Variants in JPH3 observed in about 807,000 individuals in gnomAD.
JPH3 encodes the protein junctophilin 3.
A neutral mutation model predicts 59.6 loss-of-function variants in JPH3; 11 were observed. The observed-to-expected ratio is 0.18, with a 90% CI of 0.12 to 0.31. The LOEUF (loss-of-function observed/expected upper bound fraction) is 0.31, where lower values mean the gene tolerates loss of function less well. Ranked by LOEUF, JPH3 falls within the 10% of genes least tolerant of loss-of-function variation. The pLI, the probability that JPH3 is intolerant of heterozygous loss-of-function variation, is 1.00. For synonymous variants in JPH3, 673 were observed against 483.6 expected, an observed-to-expected ratio of 1.39 and a Z score of -5.14; for missense variants, 1,202 against 1,105.7, an observed-to-expected ratio of 1.09 and a Z score of -1.24.
rs146321235 is a variant in JPH3 at position 87,644,335 on chromosome 16, G to C, written c.460G>C (p.Ala154Pro). ...VRQSVPYGMA[A>P]VIRSPLRTSI... ...GCAGAGCGTCCCGTATGGCATGGCC[G>C]CGGTCATCCGCTCACCCCTGAGGAC... The change falls in exon 2 of 5, where the codon GCG becomes CCG. Residue 154 changes from alanine (A) to proline (P), a missense_variant. Ala to Pro is a conservative substitution (Grantham distance 27, BLOSUM62 -1). Transcript: ENST00000284262. 23 of 1,612,844 alleles carry C rather than the reference G, an allele frequency of 1.4e-5. No individual in the cohort carries two copies. In the Admixed American group the frequency reaches 3.7e-4, roughly 26 times the overall value.
At chr16:87,608,711 C>T (rs1055784214) in intron 1 of JPH3, among the ~76,000 whole-genome samples, 5 of 152,254 alleles carry the variant, frequency 3.3e-5, no homozygotes, top group African/African-American at 9.6e-5. Flanking sequence ...CGCCTGGTCC[C>T]GGACCCTCCA....
intron 2 of JPH3, among the ~76,000 whole-genome samples, chr16:87,650,128 G>A (rs1278842776): frequency 6.6e-6 from 1 of 152,198 alleles, no homozygotes; most frequent in African/African-American, 2.4e-5. Context: ...CGTGCATGGG[G>A]CAAGCCTCTT....
chr16:87,656,002 G>A (rs1003829115), intron 2 of JPH3, among the ~76,000 whole-genome samples: 1 of 152,262 alleles, frequency 6.6e-6, no homozygotes, highest in Admixed American at 6.5e-5. Flanking sequence ...GGGCACTGCT[G>A]CGTGGCAGTG....
Position 87,617,888 on chromosome 16 carries a change from C to T in JPH3, c.382+14360C>T, listed in dbSNP as rs948546465. Among the ~76,000 whole-genome samples, 26 of 151,948 alleles carry T rather than the reference C, an allele frequency of 1.7e-4. No homozygotes were observed. In the East Asian group the frequency reaches 2.3e-3, roughly 14 times the overall value. On this transcript the variant is annotated intron_variant, in intron 1 of 4. Transcript: ENST00000284262. ...GAATAGTGCGAGGGGAGTGGCTGGG[C>T]GCGGTGGCTCATGCCTGTAATCCCA...
chr16:87,673,861 G>A (rs1317820926), intron 2 of JPH3, among the ~76,000 whole-genome samples: 1 of 152,126 alleles, frequency 6.6e-6, no homozygotes, highest in Non-Finnish European at 1.5e-5. Context: ...GGGAGGCAGA[G>A]GTTGCAGTGA....
intron 1 of JPH3, chr16:87,604,248 G>A (rs1198725580): frequency 1.7e-5 from 25 of 1,452,036 alleles, no homozygotes; most frequent in Non-Finnish European, 2.1e-5. Context: ...AGATGCCACC[G>A]CATTCGGGGC....
At chr16:87,660,191 C>T (rs943180796) in intron 2 of JPH3, among the ~76,000 whole-genome samples, 1 of 152,196 alleles carries the variant, frequency 6.6e-6, no homozygotes. Flanking sequence ...CTGTGCGTCT[C>T]AGTAATACGG....
intron 1 of JPH3, among the ~76,000 whole-genome samples, chr16:87,622,899 G>A (rs949236262): frequency 6.6e-6 from 1 of 152,170 alleles, no homozygotes; most frequent in African/African-American, 2.4e-5. Flanking sequence ...CAAGGCATTG[G>A]GGGTATGAGA....
At chr16:87,685,022 G>A (rs986235041) in intron 3 of JPH3, among the ~76,000 whole-genome samples, 7 of 152,198 alleles carry the variant, frequency 4.6e-5, no homozygotes, top group South Asian at 2.1e-4. Flanking sequence ...ACCGGTGAGC[G>A]GTATTCGGAT....
At chr16:87,619,651 C>T (rs781025290) in intron 1 of JPH3, among the ~76,000 whole-genome samples, 37 of 152,170 alleles carry the variant, frequency 2.4e-4, no homozygotes, top group Non-Finnish European at 3.5e-4. Context: ...GACACCACGA[C>T]GGCTGCAGGC....
chr16:87,682,925 G>A (rs951367456), intron 2 of JPH3, among the ~76,000 whole-genome samples: 1 of 152,382 alleles, frequency 6.6e-6, no homozygotes, highest in Non-Finnish European at 1.5e-5. Flanking sequence ...CCTTCGGGAC[G>A]TCTGTCTAGT....
intron 1 of JPH3, among the ~76,000 whole-genome samples, chr16:87,637,031 C>T (rs564512207): frequency 5.4e-4 from 83 of 152,328 alleles, no homozygotes; most frequent in Admixed American, 1.8e-3. Flanking sequence ...CTGTCGGCCA[C>T]GGGAGTTTGC....
chr16:87,687,639 G>T (rs1444334609), intron 3 of JPH3, among the ~76,000 whole-genome samples: 2 of 151,894 alleles, frequency 1.3e-5, no homozygotes, highest in African/African-American at 4.9e-5. Context: ...GGAAGAAGCT[G>T]CAGGGGCTTC....
chr16:87,655,332 ATAATTTTATTTTTTGTGACAGGGTG>A (rs1289555814), intron 2 of JPH3, among the ~76,000 whole-genome samples: 5 of 151,416 alleles, frequency 3.3e-5, no homozygotes, highest in Admixed American at 6.6e-5. Flanking sequence ...TACAAAACAA[ATAATTTTATTTTTTGTGACAGGGTG>A]TTATTTTTTG....
At chr16:87,623,153 C>A (rs1306872340) in intron 1 of JPH3, among the ~76,000 whole-genome samples, 1 of 152,224 alleles carries the variant, frequency 6.6e-6, no homozygotes, top group Non-Finnish European at 1.5e-5. Context: ...TGGGTTCCAG[C>A]GTGGGCCAAG....
intron 1 of JPH3, among the ~76,000 whole-genome samples, chr16:87,613,091 T>TTC (rs1195828641): frequency 1.6e-5 from 2 of 122,810 alleles, no homozygotes; most frequent in African/African-American, 3.2e-5. Context: ...GTTTCTTTCT[T>TTC]TCTCTTTTTT....
chr16:87,627,969 C>T (rs1290031898), intron 1 of JPH3, among the ~76,000 whole-genome samples: 1 of 152,230 alleles, frequency 6.6e-6, no homozygotes, highest in Admixed American at 6.5e-5. Context: ...GGTGAGCGTT[C>T]CCAACATCAG....
intron 2 of JPH3, among the ~76,000 whole-genome samples, chr16:87,658,641 C>T (rs555386751): frequency 1.3e-4 from 20 of 152,284 alleles, no homozygotes; most frequent in African/African-American, 4.1e-4. Flanking sequence ...GCCCCAGAGG[C>T]GTCCAGGTGA....
intron 1 of JPH3, among the ~76,000 whole-genome samples, chr16:87,623,058 G>A (rs2031247222): frequency 6.6e-6 from 1 of 152,150 alleles, no homozygotes; most frequent in Admixed American, 6.5e-5. Flanking sequence ...GCCCCTCCCA[G>A]GCCAGCCCCA....
Sources: gnomAD v4.1 joint callset for allele counts (sites outside exome capture counted in the v4.1 genomes callset) on GRCh38, gnomAD v4.1.1 for gene constraint, MANE v1.5 for transcripts, NCBI Gene and HGNC (gene_info 2026-07-23, HGNC 2026-07-21) for gene names.